Variants in ZFHX3 observed in about 807,000 individuals in gnomAD.
ZFHX3 encodes the protein zinc finger homeobox 3, also known as zinc finger homeobox protein 3.
In ZFHX3, 42 loss-of-function variants were observed where a neutral mutation model predicts 279.1. That is an observed-to-expected ratio of 0.15 (90% CI 0.12 to 0.19). The LOEUF is 0.19. Ranked by LOEUF, ZFHX3 falls within the 10% of genes least tolerant of loss-of-function variation. The pLI is 1.00. For missense variants in ZFHX3, 4,981 were observed against 4,754.0 expected (o/e 1.05, Z -1.40); for synonymous variants, 2,293 against 1,957.8 (o/e 1.17, Z -4.52).
intron 2 of ZFHX3, among the ~76,000 whole-genome samples, chr16:73,501,398 T>A (rs1425469092): frequency 1.3e-5 from 2 of 152,234 alleles, no homozygotes; most frequent in Non-Finnish European, 2.9e-5. Context: ...CCAACTGTTT[T>A]AGAAGAAAAG....
Position 73,879,290 on chromosome 16 carries a change from A to G in ZFHX3, c.-1608+12361T>C, listed in dbSNP as rs1372093841. On this transcript the variant is annotated intron_variant, in intron 1 of 17. Transcript: ENST00000641206. ...GTGGTCAGGAGCAGGTGGAGAAAAA[A>G]AAAAAAAAAAGCAGACACAGATCAA... Among the ~76,000 whole-genome samples the G allele has an allele frequency of 2.0e-5, 3 of 151,076 alleles. No homozygotes were observed. The East Asian group carries it at 5.8e-4, about 29-fold the overall frequency.
intron 3 of ZFHX3, among the ~76,000 whole-genome samples, chr16:73,365,997 T>C (rs1166561249): frequency 2.6e-5 from 4 of 152,110 alleles, no homozygotes; most frequent in African/African-American, 7.2e-5. Flanking sequence ...AAAGGAATAA[T>C]TGATGGTGGC....
intron 2 of ZFHX3, among the ~76,000 whole-genome samples, chr16:73,575,770 G>A (rs1051177657): frequency 2.0e-5 from 3 of 152,074 alleles, no homozygotes; most frequent in Admixed American, 6.6e-5. Context: ...CTCATGCCGC[G>A]GGGCTGTTAG....
At chr16:73,178,456 C>G (rs117611815) in intron 5 of ZFHX3, among the ~76,000 whole-genome samples, 1 of 152,146 alleles carries the variant, frequency 6.6e-6, no homozygotes, top group East Asian at 1.9e-4. Context: ...ACATTTCTTT[C>G]CTTCTCCCCA....
chr16:73,275,219 C>T (rs572296764), intron 4 of ZFHX3, among the ~76,000 whole-genome samples: 12 of 152,294 alleles, frequency 7.9e-5, no homozygotes, highest in East Asian at 1.9e-4. Flanking sequence ...AAATCTATGA[C>T]GCTTTTGAGT....
At chr16:73,228,833 A>G (rs956506383) in intron 5 of ZFHX3, among the ~76,000 whole-genome samples, 1 of 152,206 alleles carries the variant, frequency 6.6e-6, no homozygotes, top group South Asian at 2.1e-4. Context: ...AATGGAATCT[A>G]GAAAACTATG....
chr16:73,323,359 T>A (rs987611796), intron 3 of ZFHX3, among the ~76,000 whole-genome samples: 3 of 152,140 alleles, frequency 2.0e-5, no homozygotes, highest in Non-Finnish European at 4.4e-5. Context: ...GGAAGGATGG[T>A]CTGATAAGTG....
At chr16:73,465,145 G>A (rs2018543524) in intron 2 of ZFHX3, among the ~76,000 whole-genome samples, 1 of 152,220 alleles carries the variant, frequency 6.6e-6, no homozygotes, top group Non-Finnish European at 1.5e-5. Context: ...AGACACAGCG[G>A]ACCCTTCAGC....
At chr16:73,146,584 G>C (rs886441548) in intron 5 of ZFHX3, among the ~76,000 whole-genome samples, 7 of 152,164 alleles carry the variant, frequency 4.6e-5, no homozygotes, top group Non-Finnish European at 8.8e-5. Context: ...TTCTCCTCTT[G>C]AGTTATGCCT....
At chr16:73,308,224 CATATATATATATATATATATAT>C (rs56199536) in intron 4 of ZFHX3, among the ~76,000 whole-genome samples, 3,331 of 108,570 alleles carry the variant, frequency 0.031, 117 homozygotes, top group South Asian at 0.072. Flanking sequence ...CATATGCATG[CATATATATATATATATATATAT>C]ATATATATAT....
At chr16:73,311,354 G>C (rs1023927718) in intron 4 of ZFHX3, among the ~76,000 whole-genome samples, 2 of 151,728 alleles carry the variant, frequency 1.3e-5, no homozygotes, top group East Asian at 3.9e-4. Flanking sequence ...CAGCACCTTG[G>C]GAGGCCGAGG....
chr16:73,685,208 G>T (rs2053069055), intron 1 of ZFHX3, among the ~76,000 whole-genome samples: 1 of 150,798 alleles, frequency 6.6e-6, no homozygotes, highest in African/African-American at 2.4e-5. Context: ...GCTAGAGACA[G>T]GGTTTCACCG....
chr16:73,881,537 C>A (rs1035715531), intron 1 of ZFHX3, among the ~76,000 whole-genome samples: 1 of 141,580 alleles, frequency 7.1e-6, no homozygotes, highest in African/African-American at 2.6e-5. Context: ...CCTTGGAGTC[C>A]AAAGAGAAAG....
At chr16:73,653,793 C>T (rs2052694573) in intron 2 of ZFHX3, among the ~76,000 whole-genome samples, 1 of 150,696 alleles carries the variant, frequency 6.6e-6, no homozygotes, top group African/African-American at 2.5e-5. Context: ...AATTGTAAAA[C>T]ATTTAGTGAT....
At chr16:73,289,516 C>T (rs1013797879) in intron 4 of ZFHX3, among the ~76,000 whole-genome samples, 15 of 152,054 alleles carry the variant, frequency 9.9e-5, no homozygotes, top group Admixed American at 5.2e-4. Context: ...CAGGAGGGGA[C>T]GGGGCACATG....
intron 1 of ZFHX3, among the ~76,000 whole-genome samples, chr16:73,779,435 AATC>A (rs10565936): frequency 0.99 from 151,122 of 152,230 alleles, 75,016 homozygotes; most frequent in East Asian, 1. Context: ...TCTAGTATGG[AATC>A]ATCGAGAAGA....
At chr16:73,142,499 T>C (rs1432380605) in intron 6 of ZFHX3, among the ~76,000 whole-genome samples, 1 of 152,186 alleles carries the variant, frequency 6.6e-6, no homozygotes, top group Admixed American at 6.5e-5. Flanking sequence ...TGTAATCTGT[T>C]TCTCCCCCCA....
At chr16:72,811,445 AC>A in intron 7 of ZFHX3, 131 bp downstream of exon 7, 1 of 1,007,810 alleles carries the variant, frequency 9.9e-7, no homozygotes, top group African/African-American at 1.6e-5. Flanking sequence ...AGGTCACAGA[AC>A]AAGGACTGTT....
chr16:73,746,489 C>T (rs1829194976), intron 1 of ZFHX3, among the ~76,000 whole-genome samples: 1 of 152,190 alleles, frequency 6.6e-6, no homozygotes. Context: ...ATACTTAATA[C>T]AGAGTCATCT....
Sources: allele counts gnomAD v4.1 joint callset (sites outside exome capture counted in the v4.1 genomes callset), GRCh38; gene constraint gnomAD v4.1.1; transcripts MANE v1.5; gene names NCBI Gene and HGNC (gene_info 2026-07-23, HGNC 2026-07-21).